VAV2: variants seen among roughly 807,000 people sequenced by gnomAD.
VAV2 encodes vav guanine nucleotide exchange factor 2, also known as guanine nucleotide exchange factor VAV2.
A neutral mutation model predicts 132.5 loss-of-function variants in VAV2; 67 were observed. The ratio of observed to expected loss-of-function variants is 0.51; its 90% CI spans 0.42 to 0.62. VAV2 has a LOEUF of 0.62. VAV2 is among the 20% of genes least tolerant of loss of function. The pLI is 0.00. For synonymous variants in VAV2, 492 were observed against 443.5 expected (o/e 1.11, Z -1.37); for missense variants, 938 against 1,153.6 (o/e 0.81, Z 2.71).
At chr9:133,903,471 A>G (rs1588343620) in intron 2 of VAV2, among the ~76,000 whole-genome samples, 2 of 152,262 alleles carry the variant, frequency 1.3e-5, no homozygotes, top group African/African-American at 2.4e-5. Context: ...GGCTGAAACA[A>G]CAATCCCGGG....
In VAV2 at chr9:133,919,695, G is replaced by A. The variant is rs1035827901; in HGVS notation, c.321+19408C>T. On this transcript the variant is annotated intron_variant, in intron 2 of 29. Coordinates refer to ENST00000371850, the MANE Select transcript of VAV2 (RefSeq NM_001134398.2). The surrounding 1 kb of genome is among the most constrained non-coding windows in gnomAD (Gnocchi z 5.8). Reference sequence around the variant, plus strand: ...CTCAGATCAGAGAGGAATGTAAGCCGGAAACAGCGCAGAGAGTGGGGCCAG... The same window carrying A: ...CTCAGATCAGAGAGGAATGTAAGCCAGAAACAGCGCAGAGAGTGGGGCCAG... Among the ~76,000 whole-genome samples, 3 of 152,274 alleles carry A rather than the reference G, an allele frequency of 2.0e-5. No homozygotes were observed. Among genetic ancestry groups the A allele is most frequent in the South Asian group, 2.1e-4 (1 of 4,824 alleles).
At chr9:133,849,670 C>T (rs920248741) in intron 3 of VAV2, among the ~76,000 whole-genome samples, 3 of 152,178 alleles carry the variant, frequency 2.0e-5, no homozygotes, top group Non-Finnish European at 4.4e-5. Context: ...AGCTGTGCTC[C>T]CTCTGGAGGC....
At chr9:133,770,642 C>G in intron 26 of VAV2, 141 bp from the exon 27 acceptor site, 1 of 1,319,034 alleles carries the variant, frequency 7.6e-7, no homozygotes, top group Non-Finnish European at 1.0e-6. Context: ...CACATCCCGC[C>G]AGCCCATGGT....
In VAV2 at chr9:133,879,760, G is replaced by A. The variant is rs1328789853; in HGVS notation, c.322-18328C>T. On this transcript the variant is annotated intron_variant, in intron 2 of 29. Transcript: ENST00000371850. The surrounding 1 kb of genome is among the most constrained non-coding windows in gnomAD (Gnocchi z 4.4). The stretch of plus-strand genomic sequence containing the variant: ...GCCTTGCGAGCTGCAAGTCCGATCT[G>A]TGCAATGTGAGCCCCTGCAGGAAAA... 6.6e-6 allele frequency among the ~76,000 whole-genome samples: 1 copy of A among 152,044 alleles called. No homozygotes were observed.
intron 2 of VAV2, among the ~76,000 whole-genome samples, chr9:133,906,973 C>T (rs1403111275): frequency 1.3e-5 from 2 of 152,196 alleles, no homozygotes; most frequent in African/African-American, 2.4e-5. Flanking sequence ...CTGGGCCCAG[C>T]GAGCCCCTCC....
intron 2 of VAV2, among the ~76,000 whole-genome samples, chr9:133,911,454 C>T (rs1045755915): frequency 6.6e-6 from 1 of 152,222 alleles, no homozygotes. Context: ...GAGGTATGAT[C>T]CACAGACGAT....
At chr9:133,815,623 A>C (rs918685357) in intron 4 of VAV2, among the ~76,000 whole-genome samples, 3 of 152,152 alleles carry the variant, frequency 2.0e-5, no homozygotes, top group African/African-American at 4.8e-5. Context: ...TGACTTGCCC[A>C]CATTTGCAGC....
At chr9:133,966,192 T>C (rs1564509768) in intron 1 of VAV2, among the ~76,000 whole-genome samples, 1 of 152,144 alleles carries the variant, frequency 6.6e-6, no homozygotes, top group Admixed American at 6.5e-5. Flanking sequence ...AAAGAAAACA[T>C]TGGGGAAATG....
chr9:133,845,485 T>C (rs1836897130), intron 3 of VAV2, among the ~76,000 whole-genome samples: 1 of 152,164 alleles, frequency 6.6e-6, no homozygotes, highest in African/African-American at 2.4e-5. Context: ...GAGATCTCTC[T>C]CCTCTCTAGG....
chr9:133,930,723 G>A (rs900412897), intron 2 of VAV2, among the ~76,000 whole-genome samples: 1 of 152,192 alleles, frequency 6.6e-6, no homozygotes, highest in African/African-American at 2.4e-5. Context: ...GCAGGTGCTC[G>A]TGGACATAAA....
intron 1 of VAV2, among the ~76,000 whole-genome samples, chr9:133,980,387 G>A (rs991717644): frequency 6.6e-6 from 1 of 152,220 alleles, no homozygotes; most frequent in Non-Finnish European, 1.5e-5. Context: ...CAAGGACCAG[G>A]GGAGGTGCCA....
chr9:133,819,748 C>T (rs2131728151), intron 4 of VAV2, among the ~76,000 whole-genome samples: 1 of 152,268 alleles, frequency 6.6e-6, no homozygotes, highest in East Asian at 1.9e-4. Context: ...TCCCAACCAT[C>T]TGGATTCTGG....
chr9:133,941,608 T>TG lies in VAV2; in HGVS notation c.205-2390dup, dbSNP rs56802789. ...AATCCTGTGTGAGTCCACTTTTTTT[T>TG]GGGGGGGGGGGGGGACGGAATTTCG... is the stretch of plus-strand genomic sequence containing the variant. On this transcript the variant is annotated intron_variant, in intron 1 of 29. Transcript: ENST00000371850. 4.1e-3 allele frequency among the ~76,000 whole-genome samples: 555 copies of TG among 135,214 alleles called. 10 individuals carry two copies. Among genetic ancestry groups the TG allele is most frequent in the African/African-American group, 6.3e-3 (222 of 35,436 alleles). The allele number at this position is 135,214 out of a possible 152,430, so 88.7% of individuals were successfully genotyped here. A position where few individuals can be genotyped will look rare whatever the true frequency, so the allele number is the denominator to read the frequency against.
Position 133,840,763 on chromosome 9 carries a change from T to TA in VAV2, c.381-6424dup, listed in dbSNP as rs1836688843. 6.6e-6 allele frequency among the ~76,000 whole-genome samples: 1 copy of TA among 152,316 alleles called. No homozygotes were observed. The highest frequency in any genetic ancestry group is 2.4e-5 in the African/African-American group (1 of 41,560). Reference sequence around the variant, plus strand: ...GAACAGCTTGAATCTCGCTTTGGGATAATAAATCAGGCTCCTATCCTTGCC... The same window carrying TA: ...GAACAGCTTGAATCTCGCTTTGGGATAAATAAATCAGGCTCCTATCCTTGCC... On this transcript the variant is annotated intron_variant, in intron 3 of 29. Transcript: ENST00000371850. The surrounding 1 kb of genome is among the most constrained non-coding windows in gnomAD (Gnocchi z 4.5).
At chr9:133,891,624 GGGA>G (rs1322624659) in intron 2 of VAV2, among the ~76,000 whole-genome samples, 1 of 634 alleles carries the variant, frequency 1.6e-3, no homozygotes. Context: ...AGGGATGGAG[GGGA>G]GGGAGGGCGG....
intron 4 of VAV2, among the ~76,000 whole-genome samples, chr9:133,817,609 G>C (rs539535034): frequency 6.6e-6 from 1 of 152,066 alleles, no homozygotes; most frequent in African/African-American, 2.4e-5. Flanking sequence ...ACTCTGTCTC[G>C]AAAAAATAAA....
At position 133,786,958 on chromosome 9, in the gene VAV2, A is replaced by C. The variant is rs72762833; in HGVS notation, c.1422+288T>G. On this transcript the variant is annotated intron_variant, in intron 16 of 29. Transcript: ENST00000371850. ...GAGGAGGGAGAGAACACAGAAAAAC[A>C]AAAAGGATGATGGAGAGCTGAAGAG... Among the ~76,000 whole-genome samples the C allele has an allele frequency of 5.1e-3, 771 of 152,306 alleles. 1 individual carries two copies. Among genetic ancestry groups the C allele is most frequent in the Middle Eastern group, 0.014 (4 of 294 alleles).
At chr9:133,874,634 G>C (rs1564425901) in intron 2 of VAV2, among the ~76,000 whole-genome samples, 1 of 152,252 alleles carries the variant, frequency 6.6e-6, no homozygotes, top group African/African-American at 2.4e-5. Flanking sequence ...GCAGGAGGGA[G>C]GGGTTCTGGC....
At chr9:133,944,594 CAG>C (rs1417719048) in intron 1 of VAV2, among the ~76,000 whole-genome samples, 5 of 152,214 alleles carry the variant, frequency 3.3e-5, no homozygotes, top group African/African-American at 1.2e-4. Flanking sequence ...GCCCACTGCA[CAG>C]ACAGACAACC....
Sources: gnomAD v4.1 joint callset for allele counts (sites outside exome capture counted in the v4.1 genomes callset) on GRCh38, gnomAD v4.1.1 for gene constraint, Gnocchi (gnomAD v3.1) non-coding constraint, MANE v1.5 for transcripts, NCBI Gene and HGNC (gene_info 2026-07-23, HGNC 2026-07-21) for gene names.